IPCEF1: variants seen among roughly 807,000 people sequenced by gnomAD.
IPCEF1 encodes interaction protein for cytohesin exchange factors 1, also known as interactor protein for cytohesin exchange factors 1.
Under a neutral mutation model 50.9 loss-of-function variants are expected in IPCEF1, and 31 were observed. The observed-to-expected ratio is 0.61, with a 90% CI of 0.46 to 0.82. IPCEF1 has a LOEUF of 0.82. IPCEF1 is among the 40% of genes least tolerant of loss of function. The pLI is 0.00. For synonymous variants in IPCEF1, 181 were observed against 192.0 expected (o/e 0.94, Z 0.47); for missense variants, 458 against 514.0 (o/e 0.89, Z 1.05).
At chr6:154,330,737 G>T (rs1380514841) in intron 1 of IPCEF1, among the ~76,000 whole-genome samples, 2 of 152,084 alleles carry the variant, frequency 1.3e-5, no homozygotes, top group East Asian at 3.8e-4. Context: ...CTGTGGAACT[G>T]GGCCTTCCTA....
chr6:154,272,845 A>C (rs1039345436), intron 2 of IPCEF1, among the ~76,000 whole-genome samples: 5 of 152,344 alleles, frequency 3.3e-5, no homozygotes, highest in African/African-American at 1.2e-4. Flanking sequence ...CACTATTTAT[A>C]AAGAAGGCTA....
At chr6:154,272,313 G>A (rs1357362630) in intron 2 of IPCEF1, among the ~76,000 whole-genome samples, 1 of 152,212 alleles carries the variant, frequency 6.6e-6, no homozygotes, top group Admixed American at 6.5e-5. Context: ...TAAAGGGATT[G>A]AACAAGTGTG....
chr6:154,312,955 C>A (rs1783116422), intron 1 of IPCEF1, among the ~76,000 whole-genome samples: 1 of 150,046 alleles, frequency 6.7e-6, no homozygotes, highest in Non-Finnish European at 1.5e-5. Flanking sequence ...CACAGTGGCT[C>A]ACACCTAACA....
At chr6:154,257,893 G>C (rs1023142471) in intron 3 of IPCEF1, among the ~76,000 whole-genome samples, 1 of 152,164 alleles carries the variant, frequency 6.6e-6, no homozygotes, top group Non-Finnish European at 1.5e-5. Context: ...GGTAGAGATG[G>C]AGTCATGCCA....
intron 10 of IPCEF1, among the ~76,000 whole-genome samples, chr6:154,177,183 C>A (rs1261319747): frequency 6.6e-6 from 1 of 152,194 alleles, no homozygotes; most frequent in Non-Finnish European, 1.5e-5. Flanking sequence ...ACCATAAAAA[C>A]CCTAGAAGAA....
chr6:154,305,877 C>T (rs572604872), intron 1 of IPCEF1, among the ~76,000 whole-genome samples: 32 of 152,204 alleles, frequency 2.1e-4, no homozygotes, highest in Non-Finnish European at 4.3e-4. Context: ...TTTGGACTTA[C>T]ACCAGTGGTT....
At chr6:154,173,027 G>A (rs982108628) in intron 10 of IPCEF1, among the ~76,000 whole-genome samples, 1 of 152,344 alleles carries the variant, frequency 6.6e-6, no homozygotes, top group Admixed American at 6.5e-5. Context: ...AGGCAAACAG[G>A]GTCTGGAGTG....
intron 1 of IPCEF1, among the ~76,000 whole-genome samples, chr6:154,298,974 AAAG>A (rs1423295550): frequency 7.5e-6 from 1 of 132,564 alleles, no homozygotes; most frequent in Non-Finnish European, 1.7e-5. Context: ...AAAAAAAAAA[AAAG>A]ATTACCAATA....
intron 5 of IPCEF1, among the ~76,000 whole-genome samples, chr6:154,233,458 T>C (rs1779877203): frequency 6.6e-6 from 1 of 152,214 alleles, no homozygotes; most frequent in Non-Finnish European, 1.5e-5. Flanking sequence ...AACATTACCC[T>C]ATGAATATAA....
chr6:154,244,000 C>G (rs923464513), intron 5 of IPCEF1, among the ~76,000 whole-genome samples: 5 of 152,204 alleles, frequency 3.3e-5, no homozygotes, highest in African/African-American at 1.2e-4. Context: ...TCTGCTACCT[C>G]TCAGCATTAG....
At chr6:154,312,210 G>A (rs1336770102) in intron 1 of IPCEF1, among the ~76,000 whole-genome samples, 1 of 152,252 alleles carries the variant, frequency 6.6e-6, no homozygotes, top group African/African-American at 2.4e-5. Context: ...AAATAAGCCA[G>A]TCACAAAAAG....
chr6:154,306,018 C>G (rs900043914), intron 1 of IPCEF1, among the ~76,000 whole-genome samples: 1 of 152,182 alleles, frequency 6.6e-6, no homozygotes, highest in Non-Finnish European at 1.5e-5. Flanking sequence ...GGGACTTCAC[C>G]TTGCGATCGT....
chr6:154,323,849 A>T (rs950696578), intron 1 of IPCEF1, among the ~76,000 whole-genome samples: 1 of 152,212 alleles, frequency 6.6e-6, no homozygotes, highest in Admixed American at 6.5e-5. Flanking sequence ...ACTGCTCGGG[A>T]GGCTGAGGCA....
At chr6:154,207,823 GT>G (rs1241025097) in intron 9 of IPCEF1, among the ~76,000 whole-genome samples, 1 of 152,062 alleles carries the variant, frequency 6.6e-6, no homozygotes, top group Non-Finnish European at 1.5e-5. Context: ...GGATTGTTGT[GT>G]TGAAATAATC....
At chr6:154,314,805 G>A (rs1397713785) in intron 1 of IPCEF1, among the ~76,000 whole-genome samples, 1 of 151,586 alleles carries the variant, frequency 6.6e-6, no homozygotes, top group Non-Finnish European at 1.5e-5. Context: ...AAATCTCAGG[G>A]ATAAGCACTC....
intron 9 of IPCEF1, among the ~76,000 whole-genome samples, chr6:154,212,242 G>A (rs1778020459): frequency 6.6e-6 from 1 of 152,100 alleles, no homozygotes; most frequent in African/African-American, 2.4e-5. Flanking sequence ...TACATTTGGT[G>A]CTTCCAAAGC....
At chr6:154,275,831 G>T (rs1263219073) in intron 2 of IPCEF1, among the ~76,000 whole-genome samples, 1 of 152,136 alleles carries the variant, frequency 6.6e-6, no homozygotes, top group Non-Finnish European at 1.5e-5. Context: ...TGCACCCATT[G>T]CTCTAGAGTT....
At chr6:154,277,030 T>TA (rs1224580860) in intron 2 of IPCEF1, among the ~76,000 whole-genome samples, 2 of 152,182 alleles carry the variant, frequency 1.3e-5, no homozygotes, top group African/African-American at 4.8e-5. Context: ...CAGCAGGCAA[T>TA]ACAGCTCTCA....
chr6:154,179,820 CCCTTCTAGA>C (rs1167514558), intron 10 of IPCEF1, among the ~76,000 whole-genome samples: 2 of 152,178 alleles, frequency 1.3e-5, no homozygotes, highest in African/African-American at 4.8e-5. Context: ...CAGAATCATG[CCCTTCTAGA>C]CCACTCCTCT....
Sources: gnomAD v4.1 joint callset for allele counts (sites outside exome capture counted in the v4.1 genomes callset) on GRCh38, gnomAD v4.1.1 for gene constraint, MANE v1.5 for transcripts, NCBI Gene and HGNC (gene_info 2026-07-23, HGNC 2026-07-21) for gene names.